GCH1: variants seen among roughly 807,000 people sequenced by gnomAD.
GCH1 encodes the protein GTP cyclohydrolase 1.
Under a neutral mutation model 25.9 loss-of-function variants are expected in GCH1, and 5 were observed. That is an observed-to-expected ratio of 0.19 (90% CI 0.10 to 0.41). GCH1 has a LOEUF of 0.41. Ranked by LOEUF, GCH1 falls within the 10% of genes least tolerant of loss-of-function variation. GCH1 has a pLI of 1.00. For synonymous variants in GCH1, 159 were observed against 129.6 expected, an observed-to-expected ratio of 1.23 and a Z score of -1.54; for missense variants, 261 against 336.5, an observed-to-expected ratio of 0.78 and a Z score of 1.75.
chr14:54,897,087 G>A (rs1265494709), intron 1 of GCH1, among the ~76,000 whole-genome samples: 1 of 130,764 alleles, frequency 7.6e-6, no homozygotes, highest in Non-Finnish European at 1.5e-5. Context: ...TCGGCTCACT[G>A]CAACCTCCGC....
chr14:54,863,139 G>A (rs531126469), intron 2 of GCH1, among the ~76,000 whole-genome samples: 5 of 152,044 alleles, frequency 3.3e-5, no homozygotes, highest in African/African-American at 4.8e-5. Context: ...ATATTTTAGG[G>A]CCAGGTGCGG....
At chr14:54,884,788 A>AAAG in intron 1 of GCH1, 1 of 131,668 alleles carries the variant, frequency 7.6e-6, no homozygotes, top group African/African-American at 4.2e-5. Context: ...CAACAACAAC[A>AAAG]ACAACAACAA....
intron 4 of GCH1, 102 bp downstream of exon 4, chr14:54,846,997 T>G (rs2039652536): frequency 1.9e-6 from 1 of 524,432 alleles, no homozygotes; most frequent in East Asian, 3.9e-5. Flanking sequence ...ACCACTGCAC[T>G]CCAGCCTGGG....
At chr14:54,880,791 C>CATATATATATATATATACTCCAT (rs200522006) in intron 1 of GCH1, among the ~76,000 whole-genome samples, 5 of 43,694 alleles carry the variant, frequency 1.1e-4, no homozygotes, top group East Asian at 8.2e-4. Flanking sequence ...ATATATACTC[C>CATATATATATATATATACTCCAT]ATATATATAT....
chr14:54,853,251 A>T (rs2039761465), intron 3 of GCH1, among the ~76,000 whole-genome samples: 1 of 152,226 alleles, frequency 6.6e-6, no homozygotes, highest in Admixed American at 6.5e-5. Context: ...GGCATGATCC[A>T]CCATGCCTGG....
chr14:54,896,669 T>C (rs1037480269), intron 1 of GCH1, among the ~76,000 whole-genome samples: 6 of 151,768 alleles, frequency 4.0e-5, no homozygotes, highest in African/African-American at 1.2e-4. Context: ...TCCCAGCACT[T>C]TGGGAGGCCG....
At chr14:54,864,906 G>T (rs1358316261) in intron 2 of GCH1, among the ~76,000 whole-genome samples, 1 of 152,082 alleles carries the variant, frequency 6.6e-6, no homozygotes, top group African/African-American at 2.4e-5. Context: ...TGCAATTATT[G>T]TTGCTCATGA....
At chr14:54,867,357 G>A (rs1206079134) in intron 1 of GCH1, among the ~76,000 whole-genome samples, 2 of 152,080 alleles carry the variant, frequency 1.3e-5, no homozygotes, top group Non-Finnish European at 2.9e-5. Context: ...GGAGGCAGAG[G>A]TAGGTGGATC....
chr14:54,901,280 C>T (rs1268161703), intron 1 of GCH1, among the ~76,000 whole-genome samples: 1 of 152,140 alleles, frequency 6.6e-6, no homozygotes, highest in African/African-American at 2.4e-5. Flanking sequence ...CTTCTTAGGG[C>T]AAATAAATAA....
At chr14:54,845,490 G>A (rs2039628760) in intron 5 of GCH1, among the ~76,000 whole-genome samples, 1 of 145,778 alleles carries the variant, frequency 6.9e-6, no homozygotes, top group African/African-American at 2.7e-5. Context: ...AAAAAAAAAA[G>A]GCTATTGATT....
intron 1 of GCH1, among the ~76,000 whole-genome samples, chr14:54,899,420 T>C (rs1286624254): frequency 6.6e-6 from 1 of 152,166 alleles, no homozygotes; most frequent in Non-Finnish European, 1.5e-5. Flanking sequence ...ATTGCGCCAC[T>C]GCACTCCAGC....
rs36095464 is a variant in GCH1, at chr14:54,901,004, T to TA, written c.343+1316dup. 9.9e-5 allele frequency among the ~76,000 whole-genome samples: 15 copies of TA among 151,860 alleles called. No individual in the cohort carries two copies. The South Asian group carries it at 2.1e-3, about 21-fold the overall frequency. On this transcript the variant is annotated intron_variant, in intron 1 of 5. Coordinates refer to ENST00000491895, the MANE Select transcript of GCH1 (RefSeq NM_000161.3). ...ATTCCAAACTTTTGCAATTGAGGGG[T>TA]AAAAAAAAGTGAATTTGGAAACAGA...
chr14:54,894,817 A>G (rs1251368866), intron 1 of GCH1, among the ~76,000 whole-genome samples: 1 of 152,194 alleles, frequency 6.6e-6, no homozygotes, highest in Non-Finnish European at 1.5e-5. Flanking sequence ...AGTCCTATAT[A>G]AGTGTTCATT....
At chr14:54,859,513 GA>G (rs1411761812) in intron 3 of GCH1, among the ~76,000 whole-genome samples, 167 bp downstream of exon 3, 3 of 152,210 alleles carry the variant, frequency 2.0e-5, no homozygotes, top group African/African-American at 7.2e-5. Flanking sequence ...TAGGGGACGA[GA>G]AGGAAGGGGC....
intron 1 of GCH1, 100 bp downstream of exon 1, chr14:54,902,221 A>G: frequency 7.5e-6 from 10 of 1,328,702 alleles, no homozygotes; most frequent in Non-Finnish European, 9.4e-6. Context: ...TCCTGCGCCA[A>G]AAGTGAGGCA....
At position 54,843,698 on chromosome 14, in the gene GCH1, G is replaced by A. The variant is rs561383181; in HGVS notation, c.*319C>T. 30 of 1,608,728 alleles carry A rather than the reference G, an allele frequency of 1.9e-5. No individual in the cohort carries two copies. The Admixed American group carries it at 4.9e-4, about 26-fold the overall frequency. ...TCCTATGCTTATGAGGCAAATTACT[G>A]TACTATTTGAAAAAAATACACTAAT... On this transcript the variant is annotated 3_prime_UTR_variant, in exon 6 of 6. Transcript: ENST00000491895.
At chr14:54,887,027 T>G (rs1182821279) in intron 1 of GCH1, among the ~76,000 whole-genome samples, 2 of 152,216 alleles carry the variant, frequency 1.3e-5, no homozygotes, top group Non-Finnish European at 2.9e-5. Flanking sequence ...GTGGTGCGCA[T>G]CAGTCACAAA....
intron 1 of GCH1, among the ~76,000 whole-genome samples, chr14:54,871,536 G>A (rs1054750433): frequency 1.3e-5 from 2 of 152,086 alleles, no homozygotes; most frequent in African/African-American, 4.8e-5. Context: ...GGCTTCAGAC[G>A]AACAAACTAC....
At chr14:54,883,172 G>C (rs1440804932) in intron 1 of GCH1, among the ~76,000 whole-genome samples, 1 of 151,204 alleles carries the variant, frequency 6.6e-6, no homozygotes, top group Non-Finnish European at 1.5e-5. Context: ...AGGAATTCGA[G>C]ACCAGCCTGG....
Sources: allele counts gnomAD v4.1 joint callset (sites outside exome capture counted in the v4.1 genomes callset), GRCh38; gene constraint gnomAD v4.1.1; transcripts MANE v1.5; gene names NCBI Gene and HGNC (gene_info 2026-07-23, HGNC 2026-07-21).